Variants in CNGB1 observed in about 807,000 individuals in gnomAD.
The protein encoded by CNGB1 is cyclic nucleotide gated channel subunit beta 1, also known as cyclic nucleotide-gated channel beta-1.
Under a neutral mutation model 151.7 loss-of-function variants are expected in CNGB1, and 126 were observed. The ratio of observed to expected loss-of-function variants is 0.83; its 90% CI spans 0.72 to 0.96. The LOEUF (loss-of-function observed/expected upper bound fraction) is 0.96. CNGB1 is among the 40% of genes least tolerant of loss of function. The probability of loss-of-function intolerance (pLI) is 0.00; values close to 1 mark genes in which losing one functional copy is unlikely to be tolerated. For synonymous variants in CNGB1, 623 were observed against 635.1 expected (o/e 0.98, Z 0.29); for missense variants, 1,698 against 1,627.0 (o/e 1.04, Z -0.75).
rs1049379058 is a variant in CNGB1, at chr16:57,911,957, A to G, written c.2370-82T>C. 12 of 1,582,434 alleles carry G rather than the reference A, an allele frequency of 7.6e-6. No homozygotes were observed. The Admixed American group carries it at 1.7e-4, about 22-fold the overall frequency. On this transcript the variant is annotated intron_variant, in intron 24 of 32. Coordinates refer to ENST00000251102, the MANE Select transcript of CNGB1 (RefSeq NM_001297.5). ...ACACCTGGACAGTGAGAGCCAACCC[A>G]TGGCTGGGCTGGCCCGACTGGATGC...
chr16:57,965,299 A>G (rs115020385), intron 2 of CNGB1, among the ~76,000 whole-genome samples: 2,449 of 152,322 alleles, frequency 0.016, 65 homozygotes, highest in African/African-American at 0.055. Flanking sequence ...ATGTACATAT[A>G]CATGTGTATG....
Position 57,923,235 on chromosome 16 carries a change from C to T in CNGB1, c.1643+38G>A, listed in dbSNP as rs563190215. The T allele has an allele frequency of 1.5e-3, 2,262 of 1,463,128 alleles. 46 individuals carry two copies. The African/African-American group carries it at 0.028, about 18-fold the overall frequency. The allele number at this position is 1,463,128 out of a possible 1,614,324, so 90.6% of individuals were successfully genotyped here. ...CCCCCCACATCCCCCACCCTCCCCG[C>T]AGTCTTTCAATTTTCTGAGACCCCA... On this transcript the variant is annotated intron_variant, in intron 18 of 32. Coordinates refer to ENST00000251102, the MANE Select transcript of CNGB1 (RefSeq NM_001297.5).
At chr16:57,968,813 G>A (rs1168305411) in intron 1 of CNGB1, among the ~76,000 whole-genome samples, 2 of 150,572 alleles carry the variant, frequency 1.3e-5, no homozygotes, top group East Asian at 3.9e-4. Context: ...GATCACTTGA[G>A]CTCAGGAGTT....
intron 17 of CNGB1, among the ~76,000 whole-genome samples, chr16:57,926,905 G>C (rs962138361): frequency 2.0e-5 from 3 of 152,224 alleles, no homozygotes; most frequent in East Asian, 3.9e-4. Flanking sequence ...GCTTAAATCA[G>C]GGAGGCAGAG....
intron 29 of CNGB1, among the ~76,000 whole-genome samples, chr16:57,898,118 T>A (rs1448484966): frequency 1.3e-5 from 2 of 151,950 alleles, no homozygotes; most frequent in Non-Finnish European, 2.9e-5. Flanking sequence ...CTTGGAGGAG[T>A]GACTACCCCA....
intron 23 of CNGB1, among the ~76,000 whole-genome samples, chr16:57,913,956 T>C (rs1267445618): frequency 6.6e-6 from 1 of 152,276 alleles, no homozygotes; most frequent in Non-Finnish European, 1.5e-5. Flanking sequence ...CTGCAAGCTC[T>C]CTCCTTATGC....
intron 25 of CNGB1, 150 bp downstream of exon 25, chr16:57,911,603 T>G: frequency 1.7e-6 from 2 of 1,144,424 alleles, no homozygotes; most frequent in Non-Finnish European, 2.5e-6. Flanking sequence ...ATGTGGCTCT[T>G]GAGCCTTGTC....
At chr16:57,928,513 T>C (rs1961254305) in intron 17 of CNGB1, among the ~76,000 whole-genome samples, 1 of 152,216 alleles carries the variant, frequency 6.6e-6, no homozygotes, top group Non-Finnish European at 1.5e-5. Context: ...ATTAAAACCA[T>C]TCAAGACCAT....
Position 57,884,091 on chromosome 16 carries a change from T to TGGGGCGCA in CNGB1, c.*65_*72dup, listed in dbSNP as rs1182370211. On this transcript the variant is annotated 3_prime_UTR_variant, in exon 33 of 33. Transcript: ENST00000251102. ...TGAGCCGTGGGGGAAGGTGGGGCGCTGGGGCGCAGGGGCGCAGCGGGCGCT... is the reference window on the plus strand; with the variant it reads ...TGAGCCGTGGGGGAAGGTGGGGCGCTGGGGCGCAGGGGCGCAGGGGCGCAGCGGGCGCT... 21 of 1,604,360 alleles carry TGGGGCGCA rather than the reference T, an allele frequency of 1.3e-5. No individual in the cohort carries two copies. The East Asian group carries it at 2.2e-4, about 17-fold the overall frequency.
intron 14 of CNGB1, among the ~76,000 whole-genome samples, chr16:57,946,157 G>T (rs187381849): frequency 2.0e-5 from 3 of 152,302 alleles, no homozygotes; most frequent in Admixed American, 2.0e-4. Context: ...ATTGGCTGAG[G>T]TTGGCTTCCT....
intron 7 of CNGB1, 75 bp downstream of exon 7, chr16:57,962,490 T>C: frequency 7.3e-7 from 1 of 1,360,916 alleles, no homozygotes; most frequent in Non-Finnish European, 1.1e-6. Context: ...TAACAGACCC[T>C]GCTCCTGAAA....
chr16:57,903,952 G>T lies in CNGB1; in HGVS notation c.2664C>A (p.Ala888=), dbSNP rs413562. The T allele has an allele frequency of 0.11, 180,751 of 1,613,682 alleles. 11,404 individuals are homozygous for T. Among genetic ancestry groups the T allele is most frequent in the African/African-American group, 0.26 (19,288 of 74,984 alleles). Residue 888 remains alanine, a synonymous_variant, in exon 27 of 33, where the codon GCC becomes GCA. Transcript: ENST00000251102. ...TGCAGCTGCGGTAGTAGGTCTGTCC[G>T]GCGGTGGCGGCCCCTACCACATCTC... ...QMRDVVGAAT[A]GQTYYRSCMD...
At chr16:57,948,391 G>A (rs1961861482) in intron 14 of CNGB1, among the ~76,000 whole-genome samples, 1 of 151,048 alleles carries the variant, frequency 6.6e-6, no homozygotes, top group Non-Finnish European at 1.5e-5. Flanking sequence ...CTGGGTTCAA[G>A]TGATCCACCC....
intron 31 of CNGB1, among the ~76,000 whole-genome samples, chr16:57,889,934 G>C (rs971873878): frequency 6.6e-6 from 1 of 152,206 alleles, no homozygotes; most frequent in Non-Finnish European, 1.5e-5. Context: ...GAGGCTCAGA[G>C]CAGGGGGAGT....
At chr16:57,904,108 G>T (rs941575004) in intron 26 of CNGB1, 127 bp from the exon 27 acceptor site, 1 of 781,534 alleles carries the variant, frequency 1.3e-6, no homozygotes, top group Non-Finnish European at 2.2e-6. Context: ...GCGTTGGGAG[G>T]GGGGTAGGCA....
intron 14 of CNGB1, among the ~76,000 whole-genome samples, chr16:57,947,266 G>C (rs559393127): frequency 6.6e-6 from 1 of 152,236 alleles, no homozygotes; most frequent in Non-Finnish European, 1.5e-5. Context: ...GGCCTTCAAA[G>C]GGTGTCTCAG....
chr16:57,950,280 G>T, intron 13 of CNGB1, 101 bp downstream of exon 13: 1 of 1,400,564 alleles, frequency 7.1e-7, no homozygotes, highest in Non-Finnish European at 1.0e-6. Context: ...AAGCAGGCTT[G>T]GTTCCTGCTC....
chr16:57,952,082 A>G (rs1396832052), intron 12 of CNGB1, among the ~76,000 whole-genome samples: 1 of 152,188 alleles, frequency 6.6e-6, no homozygotes, highest in African/African-American at 2.4e-5. Context: ...CCATGTCTCC[A>G]CTCTAAGCAG....
chr16:57,912,099 C>T (rs1390440091), intron 24 of CNGB1, among the ~76,000 whole-genome samples: 1 of 147,482 alleles, frequency 6.8e-6, no homozygotes, highest in African/African-American at 2.7e-5. Flanking sequence ...GATGGAGGGG[C>T]CAGAGGGGAA....
Sources: allele counts gnomAD v4.1 joint callset (sites outside exome capture counted in the v4.1 genomes callset), GRCh38; gene constraint gnomAD v4.1.1; transcripts MANE v1.5; gene names NCBI Gene and HGNC (gene_info 2026-07-23, HGNC 2026-07-21).